CLDN14: variants seen among roughly 807,000 people sequenced by gnomAD.
CLDN14 encodes claudin-14.
Under a neutral mutation model 2.1 loss-of-function variants are expected in CLDN14, and 2 were observed. The ratio of observed to expected loss-of-function variants is 0.96; its 90% CI spans 0.39 to 3.01. CLDN14 has a LOEUF of 3.01. Ranked by LOEUF, CLDN14 falls within the 30% of genes most tolerant of loss-of-function variation. The probability of loss-of-function intolerance (pLI) is 0.09; values close to 1 mark genes in which losing one functional copy is unlikely to be tolerated. For missense variants in CLDN14, 298 were observed against 328.0 expected, an observed-to-expected ratio of 0.91 and a Z score of 0.71; for synonymous variants, 136 against 154.4, an observed-to-expected ratio of 0.88 and a Z score of 0.88.
chr21:36,465,517 A>T (rs2086634638), intron 1 of CLDN14, among the ~76,000 whole-genome samples: 1 of 152,208 alleles, frequency 6.6e-6, no homozygotes, highest in Non-Finnish European at 1.5e-5. Context: ...TACTGGCATT[A>T]GGTAATAATT....
Position 36,461,747 on chromosome 21 carries a change from C to T in CLDN14, c.-52G>A, listed in dbSNP as rs1469887950. 1.3e-6 allele frequency: 2 copies of T among 1,537,748 alleles called. No individual in the cohort carries two copies. Among genetic ancestry groups the T allele is most frequent in the Non-Finnish European group, 1.7e-6 (2 of 1,143,492 alleles). On this transcript the variant is annotated 5_prime_UTR_variant, in exon 2 of 2. Coordinates refer to ENST00000399135, the MANE Select transcript of CLDN14 (RefSeq NM_001146079.2). ...GGGCAGCTCCCTGGGCCCTCGGGGT[C>T]ACGCCGCTCCTCAGGTGCCAGCCGG...
At chr21:36,512,654 G>A (rs2087195284) in intron 1 of CLDN14, among the ~76,000 whole-genome samples, 1 of 152,184 alleles carries the variant, frequency 6.6e-6, no homozygotes, top group East Asian at 1.9e-4. Flanking sequence ...AAAAATTAAA[G>A]CAAAGCACAC....
intron 2 of CLDN14, among the ~76,000 whole-genome samples, chr21:36,505,850 A>G (rs2087127674): frequency 6.6e-6 from 1 of 152,208 alleles, no homozygotes; most frequent in Admixed American, 6.5e-5. Flanking sequence ...GGGGAGGCGT[A>G]AGGCACTGTG....
intron 1 of CLDN14, among the ~76,000 whole-genome samples, chr21:36,538,863 G>A (rs927953335): frequency 6.6e-6 from 1 of 152,182 alleles, no homozygotes; most frequent in African/African-American, 2.4e-5. Context: ...GGAATGGGCA[G>A]ACATAACGGC....
intron 1 of CLDN14, among the ~76,000 whole-genome samples, chr21:36,557,074 T>A (rs908644741): frequency 1.3e-5 from 2 of 152,214 alleles, no homozygotes; most frequent in African/African-American, 2.4e-5. Flanking sequence ...TTACTTTATT[T>A]AGCATAATGG....
At chr21:36,493,655 TGTCATA>T (rs2086989763) in intron 2 of CLDN14, among the ~76,000 whole-genome samples, 1 of 152,030 alleles carries the variant, frequency 6.6e-6, no homozygotes, top group Admixed American at 6.6e-5. Flanking sequence ...GCCGCACACT[TGTCATA>T]GTCTCTCTCA....
chr21:36,506,458 G>A (rs2087133843), intron 2 of CLDN14, among the ~76,000 whole-genome samples: 1 of 152,130 alleles, frequency 6.6e-6, no homozygotes, highest in African/African-American at 2.4e-5. Flanking sequence ...TTAGTTGGGT[G>A]TGGTGATGGA....
At chr21:36,482,664 G>A (rs1340634761), upstream of CLDN14, among the ~76,000 whole-genome samples, 2 of 152,266 alleles carry the variant, frequency 1.3e-5, no homozygotes, top group East Asian at 3.9e-4. Context: ...TGATTTGAGC[G>A]ACACACATGC....
intron 1 of CLDN14, among the ~76,000 whole-genome samples, chr21:36,566,689 T>A (rs1241637443): frequency 6.6e-6 from 1 of 152,230 alleles, no homozygotes; most frequent in Non-Finnish European, 1.5e-5. Flanking sequence ...CAGGCTGCCA[T>A]GTGCAAAAGC....
intron 1 of CLDN14, among the ~76,000 whole-genome samples, chr21:36,515,260 C>T (rs2087218433): frequency 6.6e-6 from 1 of 152,188 alleles, no homozygotes; most frequent in African/African-American, 2.4e-5. Context: ...TACCCCAGTG[C>T]TCATAGCGGC....
chr21:36,555,674 T>C (rs415848), intron 1 of CLDN14, among the ~76,000 whole-genome samples: 113,520 of 151,990 alleles, frequency 0.75, 43,956 homozygotes, highest in Non-Finnish European at 0.87. Flanking sequence ...TCAGGTGGTA[T>C]GTGGGACATT....
At chr21:36,526,005 T>C (rs1171627321) in intron 1 of CLDN14, among the ~76,000 whole-genome samples, 1 of 152,120 alleles carries the variant, frequency 6.6e-6, no homozygotes, top group Admixed American at 6.5e-5. Flanking sequence ...GGGTCCAGCC[T>C]CTGCGCTCTG....
Position 36,512,681 on chromosome 21 carries a change from A to G in CLDN14, c.-219-2181T>C, listed in dbSNP as rs1306469979. On this transcript the variant is annotated intron_variant, in intron 1 of 2. Coordinates refer to the CLDN14 transcript ENST00000342108. ...AAAGCACACAGATGTGTGTGGACATATATGTGTATGCATGTGAACATATCT... is the reference window on the plus strand; with the variant it reads ...AAAGCACACAGATGTGTGTGGACATGTATGTGTATGCATGTGAACATATCT... 2.0e-5 allele frequency among the ~76,000 whole-genome samples: 3 copies of G among 152,206 alleles called. No homozygotes were observed. In the East Asian group the frequency reaches 5.8e-4, roughly 29 times the overall value.
At chr21:36,485,683 G>C (rs781738819) in intron 2 of CLDN14, among the ~76,000 whole-genome samples, 14 of 152,108 alleles carry the variant, frequency 9.2e-5, no homozygotes, top group Non-Finnish European at 1.9e-4. Flanking sequence ...CCTGTTTTCT[G>C]TCTCGGGACA....
Position 36,461,489 on chromosome 21 carries a change from G to A in CLDN14, c.207C>T (p.Ser69=). ...GGAGGTCTTGGGGCAGCGCCAGCAG[G>A]GATCGGTAGATCTGGCACTGGTAGA... The part of the protein sequence containing the change: ...TGIYQCQIYR[S]LLALPQDLQA... Residue 69 remains serine (S), a synonymous_variant, in exon 2 of 2, where the codon TCC becomes TCT. Coordinates refer to ENST00000399135, the MANE Select transcript of CLDN14 (RefSeq NM_001146079.2). 1.2e-6 allele frequency: 2 copies of A among 1,613,456 alleles called. No homozygotes were observed. Among genetic ancestry groups the A allele is most frequent in the Non-Finnish European group, 1.7e-6 (2 of 1,180,008 alleles).
intron 1 of CLDN14, among the ~76,000 whole-genome samples, chr21:36,566,940 A>G (rs1384118287): frequency 1.3e-5 from 2 of 152,220 alleles, no homozygotes; most frequent in African/African-American, 2.4e-5. Flanking sequence ...GCTTGCGGCC[A>G]CTGGGCTGAT....
At chr21:36,508,026 CA>C (rs1205085818) in intron 2 of CLDN14, among the ~76,000 whole-genome samples, 1 of 152,206 alleles carries the variant, frequency 6.6e-6, no homozygotes, top group Non-Finnish European at 1.5e-5. Context: ...ATACATATCA[CA>C]CTCTGTGCTC....
intron 1 of CLDN14, among the ~76,000 whole-genome samples, chr21:36,558,145 A>G (rs1318737529): frequency 6.6e-6 from 1 of 152,110 alleles, no homozygotes; most frequent in Non-Finnish European, 1.5e-5. Flanking sequence ...CCTTTGGCCT[A>G]TATGTCTGCC....
chr21:36,525,280 A>G (rs919109710), intron 1 of CLDN14, among the ~76,000 whole-genome samples: 2 of 152,094 alleles, frequency 1.3e-5, no homozygotes, highest in Non-Finnish European at 2.9e-5. Flanking sequence ...GACATGCACT[A>G]GGGGACTCTG....
Sources: allele counts gnomAD v4.1 joint callset (sites outside exome capture counted in the v4.1 genomes callset), GRCh38; gene constraint gnomAD v4.1.1; transcripts MANE v1.5; gene names NCBI Gene and HGNC (gene_info 2026-07-23, HGNC 2026-07-21).